Variants in DHX35 observed in about 807,000 individuals in gnomAD.
The protein encoded by DHX35 is probable ATP-dependent RNA helicase DHX35.
DHX35 carries 84 observed loss-of-function variants against 99.6 expected under a neutral mutation model. That is an observed-to-expected ratio of 0.84 (90% CI 0.71 to 1.01). The LOEUF is 1.01. Ranked by LOEUF, DHX35 falls within the 50% of genes least tolerant of loss-of-function variation. The pLI, the probability that DHX35 is intolerant of heterozygous loss-of-function variation, is 0.00. For synonymous variants in DHX35, 331 were observed against 316.2 expected (o/e 1.05, Z -0.50); for missense variants, 852 against 888.5 (o/e 0.96, Z 0.52).
At chr20:38,997,524 G>A (rs763364063) in intron 8 of DHX35, among the ~76,000 whole-genome samples, 66 of 152,334 alleles carry the variant, frequency 4.3e-4, no homozygotes, top group Non-Finnish European at 7.8e-4. Context: ...CGGGAAGACA[G>A]CATGTAGGAA....
chr20:38,977,993 C>CA (rs2086109176), intron 3 of DHX35: 1 of 693,618 alleles, frequency 1.4e-6, no homozygotes, highest in East Asian at 2.7e-5. Flanking sequence ...CCTCCAGGGG[C>CA]AGATCACCTT....
intron 18 of DHX35, among the ~76,000 whole-genome samples, chr20:39,027,079 C>T (rs1470880598): frequency 2.6e-5 from 4 of 152,208 alleles, no homozygotes; most frequent in African/African-American, 9.6e-5. Flanking sequence ...TCCCCTCCCC[C>T]TGCCTCCAAG....
At chr20:38,998,787 A>G (rs533549019) in intron 8 of DHX35, among the ~76,000 whole-genome samples, 2 of 152,184 alleles carry the variant, frequency 1.3e-5, no homozygotes, top group Non-Finnish European at 2.9e-5. Context: ...TTCTCAGTAA[A>G]TGCTGAGTCT....
intron 9 of DHX35, among the ~76,000 whole-genome samples, chr20:39,002,446 C>T (rs531827046): frequency 1.4e-4 from 22 of 152,282 alleles, no homozygotes; most frequent in African/African-American, 4.8e-4. Context: ...CTGGGAAGAG[C>T]GTGGGCTTCA....
At chr20:38,971,509 A>G (rs886551251) in intron 2 of DHX35, among the ~76,000 whole-genome samples, 4 of 152,078 alleles carry the variant, frequency 2.6e-5, no homozygotes, top group African/African-American at 9.7e-5. Flanking sequence ...CTTGGATGCA[A>G]GTCTGCCATG....
At chr20:38,987,100 T>C (rs952301074) in intron 4 of DHX35, among the ~76,000 whole-genome samples, 1 of 152,196 alleles carries the variant, frequency 6.6e-6, no homozygotes, top group Non-Finnish European at 1.5e-5. Flanking sequence ...GGAGGTTGTC[T>C]CACCTGTGAA....
At chr20:38,964,191 G>C (rs1437146642) in intron 1 of DHX35, among the ~76,000 whole-genome samples, 1 of 152,156 alleles carries the variant, frequency 6.6e-6, no homozygotes, top group African/African-American at 2.4e-5. Flanking sequence ...GATGAATAAG[G>C]TTTTGTTTCA....
At chr20:39,004,648 G>A (rs1010475289) in intron 11 of DHX35, among the ~76,000 whole-genome samples, 4 of 152,212 alleles carry the variant, frequency 2.6e-5, no homozygotes, top group African/African-American at 9.7e-5. Flanking sequence ...GTTTAGCCTT[G>A]AAGTGAGAGT....
intron 3 of DHX35, chr20:38,978,155 T>C: frequency 1.1e-6 from 1 of 914,036 alleles, no homozygotes; most frequent in Admixed American, 1.7e-5. Flanking sequence ...TCAAAGCCCC[T>C]AAGGGAAATC....
At chr20:39,007,348 G>T (rs2086635245) in intron 12 of DHX35, among the ~76,000 whole-genome samples, 1 of 152,210 alleles carries the variant, frequency 6.6e-6, no homozygotes, top group South Asian at 2.1e-4. Flanking sequence ...TGACAGTCTG[G>T]TGGTGGAGGT....
Position 39,014,891 on chromosome 20 carries a change from A to G in DHX35, c.1359A>G (p.Ala453=). 6.2e-7 allele frequency: 1 copy of G among 1,614,174 alleles called. No individual in the cohort carries two copies. Among genetic ancestry groups the G allele is most frequent in the Non-Finnish European group, 8.5e-7 (1 of 1,180,020 alleles). The part of the protein sequence containing the change: ...LRFHFMSPPP[A]QSMVQALELL... The stretch of plus-strand genomic sequence containing the variant: ...TATGTTTTTTCCAGCCCCCTCCAGC[A>G]CAGTCGATGGTTCAAGCCTTGGAGT... The change falls in exon 14 of 22, where the codon GCA becomes GCG. Residue 453 remains alanine, a synonymous_variant. Coordinates refer to ENST00000252011, the MANE Select transcript of DHX35 (RefSeq NM_021931.4).
chr20:39,025,050 A>T (rs1382527318), intron 17 of DHX35, among the ~76,000 whole-genome samples, 180 bp from the exon 18 acceptor site: 1 of 152,206 alleles, frequency 6.6e-6, no homozygotes, highest in Non-Finnish European at 1.5e-5. Context: ...GAGCAGTCAG[A>T]TGTGTGCAAG....
At chr20:38,977,932 T>G in intron 3 of DHX35, 1 of 604,634 alleles carries the variant, frequency 1.7e-6, no homozygotes, top group Non-Finnish European at 3.1e-6. Flanking sequence ...AAAATCATCA[T>G]CATTAGCAGC....
intron 6 of DHX35, among the ~76,000 whole-genome samples, chr20:38,991,856 A>C (rs564061341): frequency 2.6e-4 from 39 of 152,096 alleles, no homozygotes; most frequent in Non-Finnish European, 2.6e-4. Context: ...ATTTTTTATC[A>C]CTTCCCCCTC....
chr20:38,991,350 A>T, intron 5 of DHX35, 104 bp from the exon 6 acceptor site: 1 of 922,036 alleles, frequency 1.1e-6, no homozygotes, highest in Non-Finnish European at 1.6e-6. Flanking sequence ...GTGGGAATTT[A>T]CTTGTACACA....
At chr20:39,006,726 T>C (rs1470850009) in intron 12 of DHX35, among the ~76,000 whole-genome samples, 1 of 152,210 alleles carries the variant, frequency 6.6e-6, no homozygotes, top group Non-Finnish European at 1.5e-5. Flanking sequence ...TCCCTGAGTC[T>C]TGCGGAGCCT....
At chr20:38,990,011 A>T (rs918669516) in intron 5 of DHX35, among the ~76,000 whole-genome samples, 1 of 152,234 alleles carries the variant, frequency 6.6e-6, no homozygotes, top group Non-Finnish European at 1.5e-5. Context: ...ATTTGTAAAA[A>T]TGTAGACCTT....
intron 4 of DHX35, among the ~76,000 whole-genome samples, chr20:38,988,446 A>G (rs1025389401): frequency 6.6e-6 from 1 of 152,122 alleles, no homozygotes; most frequent in Admixed American, 6.5e-5. Context: ...CCTGGCCAAC[A>G]TGGCGAAACC....
intron 19 of DHX35, among the ~76,000 whole-genome samples, chr20:39,028,785 A>G (rs758854568): frequency 8.5e-5 from 13 of 152,246 alleles, no homozygotes; most frequent in Admixed American, 2.0e-4. Flanking sequence ...ACAGAATAAT[A>G]TGACCTGAAG....
Sources: gnomAD v4.1 joint callset for allele counts (sites outside exome capture counted in the v4.1 genomes callset) on GRCh38, gnomAD v4.1.1 for gene constraint, MANE v1.5 for transcripts, NCBI Gene and HGNC (gene_info 2026-07-23, HGNC 2026-07-21) for gene names.